Variants in CNTNAP2 observed in about 807,000 individuals in gnomAD.
CNTNAP2 encodes the protein contactin-associated protein-like 2.
Under a neutral mutation model 155.2 loss-of-function variants are expected in CNTNAP2, and 98 were observed. The observed-to-expected ratio is 0.63, with a 90% CI of 0.54 to 0.75. The LOEUF is 0.75. Among genes scored for constraint, CNTNAP2 ranks in the 30% least tolerant of loss-of-function variants. The pLI is 0.00. For synonymous variants in CNTNAP2, 651 were observed against 631.2 expected (o/e 1.03, Z -0.47); for missense variants, 1,727 against 1,688.1 (o/e 1.02, Z -0.40).
intron 10 of CNTNAP2, among the ~76,000 whole-genome samples, chr7:147,405,114 G>A (rs892771079): frequency 7.9e-5 from 12 of 152,110 alleles, no homozygotes; most frequent in African/African-American, 2.7e-4. Flanking sequence ...GGAAGGCTTA[G>A]TGCATTAAAG....
intron 1 of CNTNAP2, among the ~76,000 whole-genome samples, chr7:146,426,054 C>T (rs549627979): frequency 4.6e-5 from 7 of 151,346 alleles, no homozygotes; most frequent in Non-Finnish European, 7.4e-5. Context: ...GCCGTGGCGG[C>T]GCAAGCCTGT....
chr7:146,252,912 T>C (rs1455648614), intron 1 of CNTNAP2, among the ~76,000 whole-genome samples: 1 of 152,168 alleles, frequency 6.6e-6, no homozygotes, highest in East Asian at 1.9e-4. Context: ...GCAACAATTA[T>C]AATGGCAAAA....
intron 3 of CNTNAP2, among the ~76,000 whole-genome samples, chr7:146,969,396 A>G (rs1051187212): frequency 1.3e-5 from 2 of 151,996 alleles, no homozygotes; most frequent in African/African-American, 4.8e-5. Flanking sequence ...GATCTGTCTA[A>G]TGTTGACAGT....
intron 21 of CNTNAP2, among the ~76,000 whole-genome samples, chr7:148,319,564 TG>T (rs1246012071): frequency 6.6e-6 from 1 of 151,994 alleles, no homozygotes; most frequent in Non-Finnish European, 1.5e-5. Flanking sequence ...GACACGCAAT[TG>T]AAGCTTCATA....
intron 15 of CNTNAP2, among the ~76,000 whole-genome samples, chr7:148,079,161 A>G (rs1240485542): frequency 1.2e-4 from 18 of 152,232 alleles, no homozygotes; most frequent in Admixed American, 2.0e-4. Flanking sequence ...TGAGTGACCA[A>G]TGGTCCCGGG....
Position 147,630,579 on chromosome 7 carries a change from A to G in CNTNAP2, c.1898-8527A>G, listed in dbSNP as rs555383175. Among the ~76,000 whole-genome samples, 3 of 152,278 alleles carry G rather than the reference A, an allele frequency of 2.0e-5. No homozygotes were observed. In the South Asian group the frequency reaches 6.2e-4, roughly 32 times the overall value. On this transcript the variant is annotated intron_variant, in intron 12 of 23. Transcript: ENST00000361727. The stretch of plus-strand genomic sequence containing the variant: ...CATATATGCAAAAATCCTCAACAAA[A>G]TACTAGCTAACCAAATTCAACAGCA...
At chr7:147,590,635 C>T (rs1282131673) in intron 12 of CNTNAP2, among the ~76,000 whole-genome samples, 1 of 152,150 alleles carries the variant, frequency 6.6e-6, no homozygotes, top group Non-Finnish European at 1.5e-5. Flanking sequence ...ACTGAGGATT[C>T]TGTCCGTGAA....
chr7:147,636,968 G>A (rs1795191290), intron 12 of CNTNAP2, among the ~76,000 whole-genome samples: 1 of 152,108 alleles, frequency 6.6e-6, no homozygotes. Context: ...GAAGCAGCAG[G>A]TGCAGAGGCA....
intron 1 of CNTNAP2, among the ~76,000 whole-genome samples, chr7:146,342,631 T>G (rs1584878842): frequency 1.3e-5 from 2 of 152,278 alleles, no homozygotes; most frequent in East Asian, 3.9e-4. Flanking sequence ...ATTGAATAGA[T>G]GTTTTCCTTC....
intron 1 of CNTNAP2, among the ~76,000 whole-genome samples, chr7:146,414,908 A>G (rs897211161): frequency 6.6e-6 from 1 of 152,216 alleles, no homozygotes; most frequent in Non-Finnish European, 1.5e-5. Context: ...AGAGAATAAA[A>G]TAAGTACAGT....
At chr7:146,896,389 TA>T (rs1014452479) in intron 3 of CNTNAP2, among the ~76,000 whole-genome samples, 82 of 152,252 alleles carry the variant, frequency 5.4e-4, no homozygotes, top group Admixed American at 4.3e-3. Context: ...GCAGTCTCCC[TA>T]ATTCCCCAAC....
At chr7:147,656,429 C>G (rs140935780) in intron 13 of CNTNAP2, among the ~76,000 whole-genome samples, 2,528 of 152,248 alleles carry the variant, frequency 0.017, 221 homozygotes, top group Admixed American at 0.15. Flanking sequence ...CGATGTGTGA[C>G]TTTCTTTCAC....
At chr7:147,850,688 A>G (rs1798919521) in intron 13 of CNTNAP2, among the ~76,000 whole-genome samples, 2 of 152,254 alleles carry the variant, frequency 1.3e-5, no homozygotes, top group African/African-American at 2.4e-5. Context: ...TCCCTGTTTA[A>G]TAAATAGTGC....
At chr7:147,646,245 G>C (rs1222020508) in intron 13 of CNTNAP2, among the ~76,000 whole-genome samples, 2 of 152,134 alleles carry the variant, frequency 1.3e-5, no homozygotes, top group Non-Finnish European at 2.9e-5. Context: ...TTTCTGACTT[G>C]AAAAACTGGC....
At chr7:146,335,883 TA>T (rs1371360021) in intron 1 of CNTNAP2, among the ~76,000 whole-genome samples, 1 of 151,752 alleles carries the variant, frequency 6.6e-6, no homozygotes, top group Non-Finnish European at 1.5e-5. Context: ...AACACAAAAT[TA>T]AAAATATAAA....
At chr7:146,162,743 A>G (rs1026834654) in intron 1 of CNTNAP2, among the ~76,000 whole-genome samples, 3 of 152,218 alleles carry the variant, frequency 2.0e-5, no homozygotes, top group Admixed American at 2.0e-4. Flanking sequence ...AATAGCAAAG[A>G]CTTGGAACCA....
At chr7:148,099,756 G>C (rs546324953) in intron 15 of CNTNAP2, among the ~76,000 whole-genome samples, 2 of 151,142 alleles carry the variant, frequency 1.3e-5, no homozygotes, top group African/African-American at 4.9e-5. Flanking sequence ...ATAGCACACA[G>C]CACTCTTGAA....
intron 3 of CNTNAP2, among the ~76,000 whole-genome samples, chr7:146,882,028 A>G (rs576131923): frequency 1.3e-5 from 2 of 152,008 alleles, no homozygotes; most frequent in South Asian, 2.1e-4. Flanking sequence ...TTTGTACCCA[A>G]TGTTTAGCTC....
chr7:146,769,321 A>C (rs7794249), intron 1 of CNTNAP2, among the ~76,000 whole-genome samples: 19,574 of 152,126 alleles, frequency 0.13, 1,781 homozygotes, highest in African/African-American at 0.26. Context: ...AAAATTCTAA[A>C]TTTCTCCAGG....
Sources: gnomAD v4.1 joint callset for allele counts (sites outside exome capture counted in the v4.1 genomes callset) on GRCh38, gnomAD v4.1.1 for gene constraint, MANE v1.5 for transcripts, NCBI Gene and HGNC (gene_info 2026-07-23, HGNC 2026-07-21) for gene names.